FAM83B: variants seen among roughly 807,000 people sequenced by gnomAD.
The protein encoded by FAM83B is scaffolding CK1 anchoring protein B.
In FAM83B, 26 loss-of-function variants were observed where a neutral mutation model predicts 38.8. That is an observed-to-expected ratio of 0.67 (90% CI 0.49 to 0.93). The LOEUF (loss-of-function observed/expected upper bound fraction) is 0.93. Among genes scored for constraint, FAM83B ranks in the 40% least tolerant of loss-of-function variants. The probability of loss-of-function intolerance (pLI) is 0.00; values close to 1 mark genes in which losing one functional copy is unlikely to be tolerated. For missense variants in FAM83B, 1,237 were observed against 1,197.3 expected (o/e 1.03, Z -0.49); for synonymous variants, 419 against 423.1 (o/e 0.99, Z 0.12).
In FAM83B at chr6:54,851,288, C is replaced by A. The variant is rs80247378; in HGVS notation, c.-61+4462C>A. 5.0e-3 allele frequency among the ~76,000 whole-genome samples: 757 copies of A among 151,448 alleles called. 6 individuals carry two copies. The highest frequency in any genetic ancestry group is 9.6e-3 in the South Asian group (46 of 4,798). On this transcript the variant is annotated intron_variant, in intron 1 of 4. Transcript: ENST00000306858. ...TTCTTTTATGCTTCTCTTCTCTTCCCTCCCATTATGTTTTTCTCTTCACTT... is the reference window on the plus strand; with the variant it reads ...TTCTTTTATGCTTCTCTTCTCTTCCATCCCATTATGTTTTTCTCTTCACTT...
chr6:54,857,261 G>A (rs184350955), intron 1 of FAM83B, among the ~76,000 whole-genome samples: 1 of 152,286 alleles, frequency 6.6e-6, no homozygotes, highest in East Asian at 1.9e-4. Context: ...GCAAATGTCA[G>A]CATGCACCAA....
At chr6:54,847,168 C>T (rs1325696854) in intron 1 of FAM83B, among the ~76,000 whole-genome samples, 1 of 151,634 alleles carries the variant, frequency 6.6e-6, no homozygotes, top group Non-Finnish European at 1.5e-5. Context: ...TTCCTCTTTT[C>T]CAGTGTAGGA....
chr6:54,880,520 C>T (rs1772109475), intron 2 of FAM83B, among the ~76,000 whole-genome samples: 1 of 142,612 alleles, frequency 7.0e-6, no homozygotes, highest in South Asian at 2.3e-4. Context: ...TCTCGGCTCA[C>T]TGCCACCTCT....
intron 4 of FAM83B, among the ~76,000 whole-genome samples, chr6:54,936,701 C>T (rs1193640623): frequency 6.6e-6 from 1 of 151,066 alleles, no homozygotes; most frequent in Non-Finnish European, 1.5e-5. Flanking sequence ...TCTCCCTCCA[C>T]ACAAATTGTC....
intron 2 of FAM83B, among the ~76,000 whole-genome samples, chr6:54,878,508 A>G (rs1054939359): frequency 3.3e-5 from 5 of 152,192 alleles, no homozygotes; most frequent in African/African-American, 1.2e-4. Flanking sequence ...TTCAGCCAAG[A>G]TTTGAGAAAA....
chr6:54,921,421 A>G (rs1773165298), intron 2 of FAM83B, among the ~76,000 whole-genome samples: 1 of 151,902 alleles, frequency 6.6e-6, no homozygotes, highest in Non-Finnish European at 1.5e-5. Flanking sequence ...GTGAAGAAAA[A>G]TGTCCTTGGG....
chr6:54,926,326 C>G (rs200428398), intron 2 of FAM83B, 45 bp from the exon 3 acceptor site: 3 of 1,304,096 alleles, frequency 2.3e-6, no homozygotes, highest in Admixed American at 4.5e-5. Flanking sequence ...TTAAATCTTT[C>G]TCTATCAAGG....
chr6:54,868,109 T>C (rs1771761157), intron 1 of FAM83B, among the ~76,000 whole-genome samples: 3 of 152,250 alleles, frequency 2.0e-5, no homozygotes, highest in Middle Eastern at 6.8e-3. Context: ...ACAATGAGCA[T>C]TATGTGCAAA....
chr6:54,903,562 T>C (rs1375560013), intron 2 of FAM83B, among the ~76,000 whole-genome samples: 5 of 152,224 alleles, frequency 3.3e-5, no homozygotes, highest in Admixed American at 6.5e-5. Context: ...TGCATCTTTT[T>C]ATATGTTTCT....
rs1773714728 is a variant in FAM83B at position 54,941,948 on chromosome 6, G to A, written c.2977G>A (p.Glu993Lys). 6.2e-7 allele frequency: 1 copy of A among 1,612,108 alleles called. No homozygotes were observed. Among genetic ancestry groups the A allele is most frequent in the Non-Finnish European group, 8.5e-7 (1 of 1,179,374 alleles). Residue 993 changes from glutamate (E) to lysine (K), a missense_variant, in exon 5 of 5, where the codon GAG becomes AAG. Glu to Lys is a moderately conservative substitution (Grantham distance 56). Transcript: ENST00000306858. ...TGVYRSYQPN[E>K]NKFRGFMQKF... ...TGTTTATCGCTCATATCAACCCAAT[G>A]AGAACAAGTTTCGAGGATTTATGCA...
At chr6:54,876,231 T>C (rs1390686517) in intron 2 of FAM83B, among the ~76,000 whole-genome samples, 2 of 148,066 alleles carry the variant, frequency 1.4e-5, no homozygotes, top group Non-Finnish European at 3.0e-5. Context: ...AATACCTCTA[T>C]TAATAGTTGG....
rs201414733 is a variant in FAM83B, at chr6:54,940,713, C to T, written c.1742C>T (p.Pro581Leu). The change falls in exon 5 of 5, where the codon CCA (proline) becomes CTA (leucine). Residue 581 changes from proline (P) to leucine (L), a missense_variant. Transcript: ENST00000306858. ...SQGSETPKEV[P>L]DTPTNVQHLT... Reference sequence around the variant, plus strand: ...GGAAGTGAGACACCTAAAGAGGTCCCAGACACCCCTACGAATGTACAGCAT... The same window carrying T: ...GGAAGTGAGACACCTAAAGAGGTCCTAGACACCCCTACGAATGTACAGCAT... 6 of 1,613,964 alleles carry T rather than the reference C, an allele frequency of 3.7e-6. No homozygotes were observed. Among genetic ancestry groups the T allele is most frequent in the Non-Finnish European group, 5.1e-6 (6 of 1,180,004 alleles).
At chr6:54,911,271 C>A (rs1205901627) in intron 2 of FAM83B, among the ~76,000 whole-genome samples, 2 of 150,490 alleles carry the variant, frequency 1.3e-5, no homozygotes, top group African/African-American at 4.9e-5. Context: ...AAGAAATGCC[C>A]CTAAACTTTA....
intron 2 of FAM83B, among the ~76,000 whole-genome samples, chr6:54,923,561 A>C (rs1316240027): frequency 6.6e-6 from 1 of 152,206 alleles, no homozygotes; most frequent in East Asian, 1.9e-4. Context: ...GTGAGTCTTA[A>C]AGCTAACCAT....
chr6:54,891,767 C>T (rs543367953), intron 2 of FAM83B, among the ~76,000 whole-genome samples: 1 of 152,208 alleles, frequency 6.6e-6, no homozygotes, highest in East Asian at 1.9e-4. Context: ...TGATTCATTC[C>T]TCTCTCATTG....
At chr6:54,916,026 T>C (rs1268247669) in intron 2 of FAM83B, among the ~76,000 whole-genome samples, 1 of 152,146 alleles carries the variant, frequency 6.6e-6, no homozygotes, top group Non-Finnish European at 1.5e-5. Flanking sequence ...ACAATCTTTC[T>C]AGCTTTATCG....
At chr6:54,859,114 G>T (rs1411778080) in intron 1 of FAM83B, among the ~76,000 whole-genome samples, 1 of 151,616 alleles carries the variant, frequency 6.6e-6, no homozygotes, top group Non-Finnish European at 1.5e-5. Flanking sequence ...AGGCTGGAGT[G>T]CAATAGCGTG....
intron 2 of FAM83B, among the ~76,000 whole-genome samples, chr6:54,896,831 G>T (rs1444915126): frequency 2.0e-5 from 3 of 152,200 alleles, no homozygotes; most frequent in Non-Finnish European, 4.4e-5. Flanking sequence ...TGTACTTAAA[G>T]AAGTCACATT....
At chr6:54,873,397 T>G (rs1018414268) in intron 2 of FAM83B, among the ~76,000 whole-genome samples, 1 of 152,210 alleles carries the variant, frequency 6.6e-6, no homozygotes, top group Non-Finnish European at 1.5e-5. Context: ...GACATGGTCC[T>G]GTGAAGAATT....
Sources: gnomAD v4.1 joint callset for allele counts (sites outside exome capture counted in the v4.1 genomes callset) on GRCh38, gnomAD v4.1.1 for gene constraint, MANE v1.5 for transcripts, NCBI Gene and HGNC (gene_info 2026-07-23, HGNC 2026-07-21) for gene names.